The following CDC42BPA variants were observed in gnomAD, a reference collection of about 807,000 sequenced individuals.
The protein encoded by CDC42BPA is serine/threonine-protein kinase MRCK alpha.
A neutral mutation model predicts 223.5 loss-of-function variants in CDC42BPA; 80 were observed. That is an observed-to-expected ratio of 0.36 (90% CI 0.30 to 0.43). The LOEUF (loss-of-function observed/expected upper bound fraction) is 0.43, where lower values mean the gene tolerates loss of function less well. Ranked by LOEUF, CDC42BPA falls within the 20% of genes least tolerant of loss-of-function variation. CDC42BPA has a pLI of 1.00. For synonymous variants in CDC42BPA, 694 were observed against 718.6 expected, an observed-to-expected ratio of 0.97 and a Z score of 0.55; for missense variants, 1,743 against 2,099.9, an observed-to-expected ratio of 0.83 and a Z score of 3.32.
At chr1:226,998,354 A>G (rs1327559491) in intron 35 of CDC42BPA, among the ~76,000 whole-genome samples, 2 of 152,236 alleles carry the variant, frequency 1.3e-5, no homozygotes, top group Non-Finnish European at 2.9e-5. Flanking sequence ...CTAAGCAAAA[A>G]GAACAAAGCT....
chr1:227,213,841 G>GA (rs1253587512), intron 2 of CDC42BPA, among the ~76,000 whole-genome samples: 3 of 148,120 alleles, frequency 2.0e-5, no homozygotes, highest in South Asian at 4.2e-4. Context: ...CTTCCAAAAA[G>GA]AAAAAAAAAG....
chr1:227,157,473 C>T (rs751104727), intron 6 of CDC42BPA, among the ~76,000 whole-genome samples: 4 of 152,134 alleles, frequency 2.6e-5, no homozygotes, highest in Non-Finnish European at 4.4e-5. Context: ...ACCATTTCTC[C>T]TCTGTACGTA....
intron 1 of CDC42BPA, among the ~76,000 whole-genome samples, chr1:227,270,759 T>G (rs572822397): frequency 1.3e-5 from 2 of 152,154 alleles, no homozygotes; most frequent in African/African-American, 4.8e-5. Flanking sequence ...CACCACCACA[T>G]CCCATGCCTG....
chr1:227,063,871 G>C (rs78587644), intron 21 of CDC42BPA, among the ~76,000 whole-genome samples: 1 of 152,088 alleles, frequency 6.6e-6, no homozygotes, highest in Non-Finnish European at 1.5e-5. Flanking sequence ...GTAACTGATT[G>C]TAACAGAATG....
chr1:227,132,949 G>A lies in CDC42BPA; in HGVS notation c.1391-3718C>T, dbSNP rs374683018. ...CCTCCGCCCGGCAGCCGCCCTGTCT[G>A]AGAAGTGAGGAGCCCCGCCGTCCGG... On this transcript the variant is annotated intron_variant, in intron 10 of 36. Coordinates refer to ENST00000366766, the MANE Select transcript of CDC42BPA (RefSeq NM_001394014.1). Among the ~76,000 whole-genome samples the A allele has an allele frequency of 3.4e-4, 52 of 151,066 alleles. No homozygotes were observed. In the East Asian group the frequency reaches 7.6e-3, roughly 22 times the overall value.
At chr1:227,038,055 C>A (rs1438650978) in intron 24 of CDC42BPA, among the ~76,000 whole-genome samples, 1 of 152,088 alleles carries the variant, frequency 6.6e-6, no homozygotes, top group African/African-American at 2.4e-5. Flanking sequence ...TGTTCCTACC[C>A]AAATCTCATC....
chr1:227,264,494 T>C (rs1293768986), intron 1 of CDC42BPA, among the ~76,000 whole-genome samples: 5 of 150,978 alleles, frequency 3.3e-5, no homozygotes, highest in Admixed American at 1.3e-4. Context: ...ATAAGATTTA[T>C]ATCCTACAAT....
At chr1:227,122,133 T>C (rs1231637068) in intron 11 of CDC42BPA, among the ~76,000 whole-genome samples, 1 of 152,166 alleles carries the variant, frequency 6.6e-6, no homozygotes, top group Non-Finnish European at 1.5e-5. Flanking sequence ...TAAATATTAA[T>C]TTACTTTTGT....
chr1:227,046,465 T>C (rs1334359028), intron 23 of CDC42BPA, among the ~76,000 whole-genome samples: 1 of 152,120 alleles, frequency 6.6e-6, no homozygotes, highest in Admixed American at 6.5e-5. Flanking sequence ...AAATCTCAAC[T>C]ATTTGTGGTT....
rs192708537 is a variant in CDC42BPA, at chr1:227,248,183, A to C, written c.270+5881T>G. On this transcript the variant is annotated intron_variant, in intron 2 of 36. Coordinates refer to ENST00000366766, the MANE Select transcript of CDC42BPA (RefSeq NM_001394014.1). ...GAGTAGAAAGTTTATTAAAGGGATA[A>C]TAAGAACTTTCCAAATCTAGAGAAA... Among the ~76,000 whole-genome samples, 19 of 152,338 alleles carry C rather than the reference A, an allele frequency of 1.2e-4. No individual in the cohort carries two copies. The East Asian group carries it at 3.5e-3, about 28-fold the overall frequency.
At chr1:227,007,793 T>C (rs146912782) in intron 34 of CDC42BPA, among the ~76,000 whole-genome samples, 58 of 152,372 alleles carry the variant, frequency 3.8e-4, no homozygotes, top group African/African-American at 1.3e-3. Context: ...TCATGACTTA[T>C]GCTATTTAAC....
chr1:227,059,542 T>A (rs1675363111), intron 21 of CDC42BPA: 8 of 786,642 alleles, frequency 1.0e-5, no homozygotes, highest in Non-Finnish European at 1.6e-5. Context: ...ATAGGTTGAA[T>A]GTACATGTAT....
chr1:227,037,228 A>G (rs1219948685), intron 24 of CDC42BPA, among the ~76,000 whole-genome samples: 1 of 152,204 alleles, frequency 6.6e-6, no homozygotes, highest in African/African-American at 2.4e-5. Flanking sequence ...CTTTGCCTTC[A>G]GTCACACCTT....
At chr1:227,006,554 T>G (rs575325451) in intron 34 of CDC42BPA, among the ~76,000 whole-genome samples, 3 of 152,318 alleles carry the variant, frequency 2.0e-5, no homozygotes, top group African/African-American at 7.2e-5. Flanking sequence ...CCAGTCCCAC[T>G]ATGTGCCTTT....
At chr1:227,082,465 A>C (rs1231631912) in intron 16 of CDC42BPA, among the ~76,000 whole-genome samples, 1 of 152,062 alleles carries the variant, frequency 6.6e-6, no homozygotes, top group South Asian at 2.1e-4. Context: ...CTGTAATCCC[A>C]GCACTTTGGG....
At chr1:227,246,237 A>G (rs1028531308) in intron 2 of CDC42BPA, among the ~76,000 whole-genome samples, 3 of 152,186 alleles carry the variant, frequency 2.0e-5, no homozygotes, top group African/African-American at 7.2e-5. Flanking sequence ...GAAAGGGGAG[A>G]GAAGAGCGGG....
At chr1:227,292,266 C>G (rs1331423050) in intron 1 of CDC42BPA, among the ~76,000 whole-genome samples, 1 of 151,970 alleles carries the variant, frequency 6.6e-6, no homozygotes, top group Non-Finnish European at 1.5e-5. Context: ...CAGGCGTGAG[C>G]CACCAAGCCC....
chr1:227,181,266 A>G (rs898987725), intron 5 of CDC42BPA, among the ~76,000 whole-genome samples: 6 of 151,998 alleles, frequency 3.9e-5, no homozygotes, highest in African/African-American at 9.7e-5. Context: ...TAACACAGGG[A>G]AAAAAACCCA....
intron 9 of CDC42BPA, among the ~76,000 whole-genome samples, chr1:227,140,236 CATAT>C (rs922701032): frequency 2.6e-5 from 4 of 151,902 alleles, no homozygotes; most frequent in Admixed American, 2.6e-4. Context: ...AATCCTTGCC[CATAT>C]AGAGCTTATA....
Sources: gnomAD v4.1 joint callset for allele counts (sites outside exome capture counted in the v4.1 genomes callset) on GRCh38, gnomAD v4.1.1 for gene constraint, MANE v1.5 for transcripts, NCBI Gene and HGNC (gene_info 2026-07-23, HGNC 2026-07-21) for gene names.